The following ALPK2 variants were observed in gnomAD, a reference collection of about 807,000 sequenced individuals.
ALPK2 encodes alpha kinase 2.
Under a neutral mutation model 163.1 loss-of-function variants are expected in ALPK2, and 127 were observed. The ratio of observed to expected loss-of-function variants is 0.78; its 90% CI spans 0.67 to 0.90. The LOEUF (loss-of-function observed/expected upper bound fraction) is 0.90. Among genes scored for constraint, ALPK2 ranks in the 40% least tolerant of loss-of-function variants. The probability of loss-of-function intolerance (pLI) is 0.00; values close to 1 mark genes in which losing one functional copy is unlikely to be tolerated. For missense variants in ALPK2, 2,360 were observed against 2,589.6 expected, an observed-to-expected ratio of 0.91 and a Z score of 1.92; for synonymous variants, 953 against 959.1, an observed-to-expected ratio of 0.99 and a Z score of 0.12.
At chr18:58,599,350 T>C (rs1351544763) in intron 3 of ALPK2, among the ~76,000 whole-genome samples, 1 of 152,196 alleles carries the variant, frequency 6.6e-6, no homozygotes, top group Non-Finnish European at 1.5e-5. Flanking sequence ...GCTGAATTCA[T>C]TCAGGGAGAA....
rs1950249295 is a variant in ALPK2 at position 58,579,905 on chromosome 18, C to T, written c.871G>A (p.Ala291Thr). The change falls in exon 4 of 13, where the codon GCC (alanine) becomes ACC (threonine). Residue 291 changes from alanine to threonine, a missense_variant. Coordinates refer to ENST00000361673, the MANE Select transcript of ALPK2 (RefSeq NM_052947.4). ...AGCTGTGGGCTGGGTTGTTTGTTGG[C>T]CACGGCACTGTCACCTGGGTAAATG... ...AHIYPGDSAV[A>T]NKQPSPQLSS... 1 of 1,614,146 alleles carries T rather than the reference C, an allele frequency of 6.2e-7. No individual in the cohort carries two copies. The highest frequency in any genetic ancestry group is 1.1e-5 in the South Asian group (1 of 91,080).
intron 1 of ALPK2, among the ~76,000 whole-genome samples, chr18:58,624,797 C>T (rs909323800): frequency 1.3e-5 from 2 of 152,204 alleles, no homozygotes; most frequent in Admixed American, 6.5e-5. Context: ...ACCCTCTCCT[C>T]ATTGGCCCAC....
At chr18:58,557,636 T>C (rs1317055524) in intron 4 of ALPK2, among the ~76,000 whole-genome samples, 3 of 149,530 alleles carry the variant, frequency 2.0e-5, no homozygotes, top group Non-Finnish European at 4.4e-5. Context: ...GTATAAACTA[T>C]AGTGTGTGTG....
Position 58,537,760 on chromosome 18 carries a change from A to G in ALPK2, c.2427T>C (p.Ala809=). ...TATCAAAACACGTTCCTTGGTCACC[A>G]GCCTCAAAACACTCCATTGCACACA... ...EAVCAMECFE[A]GDQGTCFDTI... Residue 809 remains alanine, a synonymous_variant, in exon 5 of 13, where the codon GCT becomes GCC. Coordinates refer to ENST00000361673, the MANE Select transcript of ALPK2 (RefSeq NM_052947.4). 6.2e-7 allele frequency: 1 copy of G among 1,614,138 alleles called. No individual in the cohort carries two copies. The highest frequency in any genetic ancestry group is 8.5e-7 in the Non-Finnish European group (1 of 1,179,970).
rs376556815 is a variant in ALPK2, at chr18:58,504,010, T to C, written c.6168A>G (p.Glu2056=). The C allele has an allele frequency of 1.1e-3, 1,782 of 1,614,228 alleles. 35 individuals are homozygous for C. In the South Asian group the frequency reaches 0.017, roughly 16 times the overall value. Residue 2056 remains glutamate, a synonymous_variant, in exon 11 of 13, where the codon GAA becomes GAG. Transcript: ENST00000361673. ...KEINFLRRES[E]AGQKCCTFQH... is the part of the protein sequence containing the mutation. ...GGAAGGTGCAACATTTCTGACCAGC[T>C]TCTGATTCTCTTCTCAAGAAGTTTA...
chr18:58,612,799 A>G lies in ALPK2; in HGVS notation c.-20-982T>C, dbSNP rs191859529. The stretch of plus-strand genomic sequence containing the variant: ...ACTTGGCCAGACCTCTCCTTTGTGG[A>G]GCCCTGAGCTTAGAAAGGGCATTTA... On this transcript the variant is annotated intron_variant, in intron 1 of 12. Transcript: ENST00000361673. Among the ~76,000 whole-genome samples, 8 of 152,356 alleles carry G rather than the reference A, an allele frequency of 5.3e-5. No homozygotes were observed. The East Asian group carries it at 1.5e-3, about 29-fold the overall frequency.
intron 12 of ALPK2, among the ~76,000 whole-genome samples, chr18:58,488,004 G>C (rs1015374772): frequency 6.6e-6 from 1 of 152,104 alleles, no homozygotes; most frequent in Non-Finnish European, 1.5e-5. Context: ...TCTGGAGTGG[G>C]GGTGGAATTT....
intron 1 of ALPK2, among the ~76,000 whole-genome samples, chr18:58,621,433 G>A (rs1025543734): frequency 8.6e-5 from 13 of 151,976 alleles, no homozygotes; most frequent in South Asian, 2.1e-4. Context: ...CACAATGCCC[G>A]GCTAATTGTT....
At chr18:58,542,736 C>G (rs2051696272) in intron 4 of ALPK2, among the ~76,000 whole-genome samples, 1 of 152,146 alleles carries the variant, frequency 6.6e-6, no homozygotes, top group Admixed American at 6.5e-5. Context: ...CAGAGCTGGC[C>G]TGGAATTGCC....
chr18:58,549,294 G>T lies in ALPK2; in HGVS notation c.1963-11070C>A, dbSNP rs115922358. Among the ~76,000 whole-genome samples the T allele has an allele frequency of 8.7e-3, 1,332 of 152,282 alleles. 17 individuals are homozygous for T. The highest frequency in any genetic ancestry group is 0.03 in the African/African-American group (1,235 of 41,558). On this transcript the variant is annotated intron_variant, in intron 4 of 12. Coordinates refer to ENST00000361673, the MANE Select transcript of ALPK2 (RefSeq NM_052947.4). ...ATAAATTGCAAGGTACAACAGCAGG[G>T]TTGCATTTAAAGATGAGGGAAATCA...
intron 8 of ALPK2, among the ~76,000 whole-genome samples, chr18:58,523,321 A>G (rs1019897602): frequency 1.7e-4 from 26 of 151,608 alleles, no homozygotes; most frequent in African/African-American, 5.8e-4. Context: ...TCATTGTTGG[A>G]TATTTGGGTT....
At chr18:58,570,356 A>G (rs148893223) in intron 4 of ALPK2, among the ~76,000 whole-genome samples, 324 of 152,362 alleles carry the variant, frequency 2.1e-3, no homozygotes, top group Admixed American at 0.011. Flanking sequence ...AAAAACATTT[A>G]CTAGAGCCCT....
intron 10 of ALPK2, among the ~76,000 whole-genome samples, chr18:58,512,947 GTGTGTGTTGTA>G (rs2051500555): frequency 7.7e-6 from 1 of 129,956 alleles, no homozygotes; most frequent in Admixed American, 7.8e-5. Context: ...GGTGTGTGGT[GTGTGTGTTGTA>G]TGTGTGGTGT....
At chr18:58,627,022 T>C (rs975378112) in intron 1 of ALPK2, among the ~76,000 whole-genome samples, 6 of 152,174 alleles carry the variant, frequency 3.9e-5, no homozygotes, top group Non-Finnish European at 8.8e-5. Context: ...TGTTAAGATT[T>C]TACAGATGAG....
intron 1 of ALPK2, among the ~76,000 whole-genome samples, chr18:58,613,490 C>T (rs1435197728): frequency 6.6e-6 from 1 of 151,984 alleles, no homozygotes; most frequent in Non-Finnish European, 1.5e-5. Flanking sequence ...GTCAGGAGTT[C>T]AAGACCATCC....
chr18:58,556,187 G>A (rs9946301), intron 4 of ALPK2, among the ~76,000 whole-genome samples: 2,019 of 139,944 alleles, frequency 0.014, 44 homozygotes, highest in African/African-American at 0.061. Context: ...ACACACACAC[G>A]CACACACAAT....
chr18:58,613,435 C>T (rs949026547), intron 1 of ALPK2, among the ~76,000 whole-genome samples: 5 of 152,154 alleles, frequency 3.3e-5, no homozygotes, highest in African/African-American at 9.7e-5. Flanking sequence ...TGGCTCACGC[C>T]TCTCATCCCA....
At chr18:58,497,369 G>A (rs2051406146) in intron 12 of ALPK2, among the ~76,000 whole-genome samples, 1 of 152,166 alleles carries the variant, frequency 6.6e-6, no homozygotes, top group Non-Finnish European at 1.5e-5. Flanking sequence ...TCTTCACCAA[G>A]AACAACAAAT....
Position 58,611,805 on chromosome 18 carries a change from T to C in ALPK2, c.-8A>G. On this transcript the variant is annotated 5_prime_UTR_variant, in exon 2 of 13. The change abolishes an upstream ATG in the 5' untranslated region. Transcript: ENST00000361673. ...CCCTTCGGAGTCTTTCATCCTTTCA[T>C]GCCGCACCAAATCTGAAAAAAAAAA... The C allele has an allele frequency of 6.5e-7, 1 of 1,528,516 alleles. No homozygotes were observed. Among genetic ancestry groups the C allele is most frequent in the Non-Finnish European group, 8.9e-7 (1 of 1,127,990 alleles). The allele number at this position is 1,528,516 out of a possible 1,614,324, so 94.7% of individuals were successfully genotyped here.
Sources: allele counts gnomAD v4.1 joint callset (sites outside exome capture counted in the v4.1 genomes callset), GRCh38; gene constraint gnomAD v4.1.1; transcripts MANE v1.5; gene names NCBI Gene and HGNC (gene_info 2026-07-23, HGNC 2026-07-21).